The following PDE8B variants were observed in gnomAD, a reference collection of about 807,000 sequenced individuals.
The protein encoded by PDE8B is high affinity cAMP-specific and IBMX-insensitive 3',5'-cyclic phosphodiesterase 8B.
PDE8B carries 26 observed loss-of-function variants against 101.3 expected under a neutral mutation model. That is an observed-to-expected ratio of 0.26 (90% confidence interval 0.19 to 0.36). The LOEUF is 0.36. Among genes scored for constraint, PDE8B ranks in the 10% least tolerant of loss-of-function variants. PDE8B has a pLI of 1.00. For synonymous variants in PDE8B, 424 were observed against 429.3 expected (o/e 0.99, Z 0.15); for missense variants, 810 against 1,163.1 (o/e 0.70, Z 4.42).
At chr5:77,411,091 C>G (rs1794482742) in intron 14 of PDE8B, 1 of 155,312 alleles carries the variant, frequency 6.4e-6, no homozygotes, top group Non-Finnish European at 1.4e-5. Flanking sequence ...AACGCTGCAT[C>G]TCCAAGGACC....
intron 21 of PDE8B, chr5:77,426,225 T>C: frequency 6.6e-6 from 4 of 609,342 alleles, no homozygotes; most frequent in Non-Finnish European, 1.2e-5. Flanking sequence ...TAGTTTACTC[T>C]GAATCACAGG....
chr5:77,286,622 G>A (rs1174063236), intron 1 of PDE8B, among the ~76,000 whole-genome samples: 2 of 152,234 alleles, frequency 1.3e-5, no homozygotes, highest in Non-Finnish European at 2.9e-5. Flanking sequence ...TGTTATCAGT[G>A]AGAGGGTTGG....
At chr5:77,122,990 A>G in the PDE8B span, among the ~76,000 whole-genome samples, 1 of 152,200 alleles carries the variant, frequency 6.6e-6, no homozygotes, top group African/African-American at 2.4e-5. Context: ...AAGTGTTGTC[A>G]TTGAATTGAA....
At chr5:77,166,632 A>T in the PDE8B span, 1 of 152,196 alleles carries the variant, frequency 6.6e-6, no homozygotes, top group Non-Finnish European at 1.5e-5. Flanking sequence ...TATATGCAAC[A>T]GTCATTTTCT....
intron 1 of PDE8B, among the ~76,000 whole-genome samples, chr5:77,232,659 C>T (rs761683378): frequency 1.2e-4 from 19 of 152,134 alleles, no homozygotes; most frequent in Non-Finnish European, 2.6e-4. Flanking sequence ...TCTGTGTCAT[C>T]ATGTGTGTAA....
Position 77,351,172 on chromosome 5 carries a change from A to T in PDE8B, c.1106+19A>T. The T allele has an allele frequency of 6.4e-7, 1 of 1,574,212 alleles. No individual in the cohort carries two copies. Among genetic ancestry groups the T allele is most frequent in the Non-Finnish European group, 8.7e-7 (1 of 1,143,852 alleles). Reference sequence around the variant, plus strand: ...AAGGAGGGTGAGAGCAAACTGTTCAACTCTTTTAGCTGAAGATAAAGACTC... The same window carrying T: ...AAGGAGGGTGAGAGCAAACTGTTCATCTCTTTTAGCTGAAGATAAAGACTC... On this transcript the variant is annotated intron_variant, in intron 9 of 21. Transcript: ENST00000264917.
chr5:77,382,009 C>T (rs920937833), intron 10 of PDE8B, among the ~76,000 whole-genome samples: 4 of 152,128 alleles, frequency 2.6e-5, no homozygotes, highest in African/African-American at 4.8e-5. Context: ...GTTCTGATTT[C>T]GTCTTGTTTA....
At chr5:77,253,144 C>G (rs559954437) in intron 1 of PDE8B, among the ~76,000 whole-genome samples, 3 of 152,204 alleles carry the variant, frequency 2.0e-5, no homozygotes, top group Admixed American at 6.5e-5. Context: ...AGGTGTTCCT[C>G]TGAGGGAAAT....
intron 6 of PDE8B, among the ~76,000 whole-genome samples, chr5:77,342,384 G>A (rs1461910879): frequency 1.3e-5 from 2 of 152,130 alleles, no homozygotes; most frequent in African/African-American, 4.8e-5. Context: ...GTTGCCTCAG[G>A]TCGCATAACT....
the PDE8B span, among the ~76,000 whole-genome samples, chr5:77,198,839 T>G: frequency 3.7e-5 from 2 of 53,840 alleles, no homozygotes; most frequent in Non-Finnish European, 7.8e-5. Flanking sequence ...TTCTGGGACA[T>G]TTTTTTTTCT....
rs564114831 is a variant in PDE8B at position 77,242,110 on chromosome 5, G to A, written c.339+30846G>A. ...TTAATGCAATTATAAAACCTGGCGA[G>A]AATGCATGGAGCAATTATTTAAGAA... On this transcript the variant is annotated intron_variant, in intron 1 of 21. Transcript: ENST00000264917. Among the ~76,000 whole-genome samples the A allele has an allele frequency of 2.2e-4, 33 of 152,340 alleles. No homozygotes were observed. The South Asian group carries it at 6.8e-3, about 32-fold the overall frequency.
At chr5:77,363,331 A>G (rs139476770) in intron 10 of PDE8B, among the ~76,000 whole-genome samples, 58 of 152,320 alleles carry the variant, frequency 3.8e-4, no homozygotes, top group African/African-American at 1.2e-3. Flanking sequence ...CGGAGAATTC[A>G]TAAGAGAAAG....
chr5:77,208,058 T>C (rs781561813), upstream of PDE8B, among the ~76,000 whole-genome samples: 22 of 152,208 alleles, frequency 1.4e-4, no homozygotes, highest in Non-Finnish European at 3.2e-4. Flanking sequence ...CTAGCTACCT[T>C]GAGGTCACCT....
the PDE8B span, among the ~76,000 whole-genome samples, chr5:77,136,077 T>G: frequency 6.6e-6 from 1 of 152,198 alleles, no homozygotes; most frequent in Non-Finnish European, 1.5e-5. Context: ...CATTCAACTT[T>G]TCTAGCAACT....
chr5:77,375,889 C>CTTTTTTTTTTTTTT (rs70988668), intron 10 of PDE8B, among the ~76,000 whole-genome samples: 12 of 108,326 alleles, frequency 1.1e-4, no homozygotes, highest in Non-Finnish European at 1.8e-4. Flanking sequence ...GCCTTGATTT[C>CTTTTTTTTTTTTTT]TTTTTTTTTT....
At chr5:77,409,681 G>T (rs1299718367) in intron 14 of PDE8B, among the ~76,000 whole-genome samples, 1 of 151,912 alleles carries the variant, frequency 6.6e-6, no homozygotes, top group African/African-American at 2.4e-5. Context: ...GATCTATTTG[G>T]CTTTCATAAT....
chr5:77,165,988 A>C, the PDE8B span, among the ~76,000 whole-genome samples: 1 of 132,790 alleles, frequency 7.5e-6, no homozygotes, highest in African/African-American at 2.6e-5. Context: ...AAAAAAAAAA[A>C]AAAGAAAAAG....
intron 10 of PDE8B, among the ~76,000 whole-genome samples, chr5:77,354,252 G>A (rs1053912185): frequency 7.2e-5 from 11 of 152,162 alleles, no homozygotes; most frequent in African/African-American, 2.7e-4. Flanking sequence ...TAGACAGTGG[G>A]GTGAGCCCAG....
At chr5:77,098,440 T>C in the PDE8B span, among the ~76,000 whole-genome samples, 1 of 152,126 alleles carries the variant, frequency 6.6e-6, no homozygotes, top group Non-Finnish European at 1.5e-5. Context: ...CATGCCACTA[T>C]ACCCACCTAA....
Sources: gnomAD v4.1 joint callset for allele counts (sites outside exome capture counted in the v4.1 genomes callset) on GRCh38, gnomAD v4.1.1 for gene constraint, MANE v1.5 for transcripts, NCBI Gene and HGNC (gene_info 2026-07-23, HGNC 2026-07-21) for gene names.